Variants in TMC5 observed in about 807,000 individuals in gnomAD.
TMC5 encodes the protein transmembrane channel like 5.
Under a neutral mutation model 110.5 loss-of-function variants are expected in TMC5, and 86 were observed. That is an observed-to-expected ratio of 0.78 (90% CI 0.65 to 0.93). The LOEUF (loss-of-function observed/expected upper bound fraction) is 0.93, where lower values mean the gene tolerates loss of function less well. TMC5 is among the 40% of genes least tolerant of loss of function. The pLI is 0.00. For synonymous variants in TMC5, 455 were observed against 439.5 expected, an observed-to-expected ratio of 1.04 and a Z score of -0.44; for missense variants, 1,144 against 1,222.8, an observed-to-expected ratio of 0.94 and a Z score of 0.96.
chr16:19,474,399 A>G, intron 12 of TMC5, 123 bp downstream of exon 12: 11 of 1,172,144 alleles, frequency 9.4e-6, no homozygotes, highest in Non-Finnish European at 1.3e-5. Flanking sequence ...TTTCAAAAGT[A>G]AGGTGTGGCT....
chr16:19,480,128 C>T lies in TMC5; in HGVS notation c.2267+600C>T, dbSNP rs1968582422. 1.3e-5 allele frequency among the ~76,000 whole-genome samples: 2 copies of T among 152,256 alleles called. 1 individual carries two copies. Among genetic ancestry groups the T allele is most frequent in the South Asian group, 4.1e-4 (2 of 4,822 alleles). ...CAAAAGCAAAAATGGAGTCACACTG[C>T]AACATATTGTAGAATTTGCTTTTAC... On this transcript the variant is annotated intron_variant, in intron 14 of 21. Transcript: ENST00000542583.
intron 10 of TMC5, 27 bp from the exon 11 acceptor site, chr16:19,472,061 A>G (rs1245132087): frequency 1.4e-5 from 22 of 1,607,606 alleles, no homozygotes; most frequent in Non-Finnish European, 1.9e-5. Flanking sequence ...ATGCCCAGCC[A>G]TAAACTTGAC....
At chr16:19,490,629 G>A (rs1968863666) in intron 18 of TMC5, 61 bp downstream of exon 18, 3 of 1,557,612 alleles carry the variant, frequency 1.9e-6, no homozygotes, top group Non-Finnish European at 2.7e-6. Flanking sequence ...GGAAACAGCA[G>A]TAGGGATGTT....
Position 19,440,538 on chromosome 16 carries a change from A to G in TMC5, c.500A>G (p.Gln167Arg), listed in dbSNP as rs759637345. ...GSLEPDYPGA[Q>R]SNSDHPGPRA... The stretch of plus-strand genomic sequence containing the variant: ...TTAGAACCGGACTACCCTGGAGCTC[A>G]GAGCAACTCTGATCATCCTGGACCC... The change falls in exon 3 of 22, where the codon CAG becomes CGG. Residue 167 changes from glutamine to arginine, a missense_variant. Transcript: ENST00000542583. 9 of 1,614,116 alleles carry G rather than the reference A, an allele frequency of 5.6e-6. No homozygotes were observed. In the East Asian group the frequency reaches 6.7e-5, roughly 12 times the overall value.
chr16:19,424,260 C>T (rs1161245992), intron 1 of TMC5, among the ~76,000 whole-genome samples: 1 of 152,206 alleles, frequency 6.6e-6, no homozygotes, highest in Admixed American at 6.5e-5. Flanking sequence ...GCTCACACAA[C>T]TCAGGGAAAT....
chr16:19,497,284 G>A, intron 21 of TMC5, 121 bp downstream of exon 21: 2 of 1,039,590 alleles, frequency 1.9e-6, no homozygotes, highest in Non-Finnish European at 2.9e-6. Context: ...GATCCAAACT[G>A]GCTTAAACAA....
chr16:19,494,290 A>G lies in TMC5; in HGVS notation c.2855A>G (p.Glu952Gly). The G allele has an allele frequency of 1.2e-6, 2 of 1,612,990 alleles. No homozygotes were observed. Among genetic ancestry groups the G allele is most frequent in the Non-Finnish European group, 1.7e-6 (2 of 1,179,474 alleles). ...NEGKDKMFLI[E>G]KLIKLQDMEK... ...GGCAAAGATAAAATGTTCCTGATAG[A>G]AAAATTGATCAAGCTGCAGGATATG... Residue 952 changes from glutamate to glycine, a missense_variant, in exon 20 of 22, where the codon GAA becomes GGA. Transcript: ENST00000542583.
intron 9 of TMC5, among the ~76,000 whole-genome samples, chr16:19,467,337 T>C (rs1968215735): frequency 1.3e-5 from 2 of 152,164 alleles, no homozygotes; most frequent in Admixed American, 1.3e-4. Flanking sequence ...CCTTGGCTTG[T>C]AGACGGCCAC....
intron 3 of TMC5, among the ~76,000 whole-genome samples, chr16:19,443,386 G>C (rs374082862): frequency 1.3e-5 from 2 of 152,046 alleles, no homozygotes; most frequent in South Asian, 4.1e-4. Context: ...ATGTATGAAT[G>C]TGTCTTCTCA....
At chr16:19,412,166 G>A (rs1966857195) in intron 1 of TMC5, among the ~76,000 whole-genome samples, 1 of 151,734 alleles carries the variant, frequency 6.6e-6, no homozygotes, top group African/African-American at 2.4e-5. Context: ...AACCTCCCAG[G>A]CTCAGGCGAT....
intron 15 of TMC5, among the ~76,000 whole-genome samples, chr16:19,485,133 CA>C (rs796641430): frequency 1.1e-4 from 14 of 125,230 alleles, no homozygotes; most frequent in African/African-American, 4.2e-4. Context: ...TTTTTTTACT[CA>C]AATAAGTTTT....
intron 1 of TMC5, 145 bp downstream of exon 1, chr16:19,418,237 T>A (rs2143334591): frequency 6.6e-6 from 1 of 152,302 alleles, no homozygotes; most frequent in East Asian, 1.9e-4. Flanking sequence ...GCACAACAGA[T>A]GTTTGTTAGA....
chr16:19,434,081 ATATATATATATCTATAATATATATAT>A (rs1567300257), intron 2 of TMC5, among the ~76,000 whole-genome samples: 1 of 3,908 alleles, frequency 2.6e-4, no homozygotes, highest in African/African-American at 1.9e-3. Context: ...ATTATATATA[ATATATATATATCTATAATATATATAT>A]TATATATATA....
intron 19 of TMC5, among the ~76,000 whole-genome samples, chr16:19,492,564 A>G (rs1017447207): frequency 1.3e-5 from 2 of 151,498 alleles, no homozygotes; most frequent in South Asian, 2.1e-4. Context: ...TCCTGCCCCA[A>G]CCTCCCAAGT....
intron 14 of TMC5, among the ~76,000 whole-genome samples, chr16:19,480,575 C>T (rs1968593133): frequency 6.6e-6 from 1 of 152,056 alleles, no homozygotes; most frequent in Admixed American, 6.6e-5. Flanking sequence ...GAGGCCAAGG[C>T]GGGTGAATCA....
chr16:19,497,141 G>A lies in TMC5; in HGVS notation c.2952G>A (p.Leu984=). The A allele has an allele frequency of 6.2e-7, 1 of 1,613,828 alleles. No individual in the cohort carries two copies. Among genetic ancestry groups the A allele is most frequent in the Admixed American group, 1.7e-5 (1 of 59,980 alleles). Residue 984 remains leucine, a synonymous_variant, in exon 21 of 22, where the codon TTG becomes TTA. Transcript: ENST00000542583. ...TTCAGCAACAAGGCTTTTTGCATTT[G>A]GGGGAACATGATGGCAGTCTTGGTG... ...REVEQQGFLH[L]GEHDGSLDLR... is the part of the protein sequence containing the mutation.
At chr16:19,487,918 C>T (rs1968792801) in intron 17 of TMC5, 1 of 152,372 alleles carries the variant, frequency 6.6e-6, no homozygotes, top group South Asian at 2.1e-4. Flanking sequence ...GGGAAACGGG[C>T]TAGAGGCTTT....
intron 1 of TMC5, among the ~76,000 whole-genome samples, chr16:19,419,977 C>T (rs372705762): frequency 2.6e-5 from 4 of 152,072 alleles, no homozygotes; most frequent in African/African-American, 4.8e-5. Context: ...GTCATTTCTG[C>T]GAAGGCATTC....
At chr16:19,469,912 T>G (rs4444328) in intron 10 of TMC5, 87 bp downstream of exon 10, 672,286 of 1,241,580 alleles carry the variant, frequency 0.54, 138,356 homozygotes, top group Non-Finnish European at 0.57. Flanking sequence ...TTTTTTTTTT[T>G]GAATTGGAGT....
Sources: gnomAD v4.1 joint callset for allele counts (sites outside exome capture counted in the v4.1 genomes callset) on GRCh38, gnomAD v4.1.1 for gene constraint, MANE v1.5 for transcripts, NCBI Gene and HGNC (gene_info 2026-07-23, HGNC 2026-07-21) for gene names.